KMT2C: variants seen among roughly 807,000 people sequenced by gnomAD.
The protein encoded by KMT2C is histone-lysine N-methyltransferase 2C.
A neutral mutation model predicts 507.9 loss-of-function variants in KMT2C; 88 were observed. The ratio of observed to expected loss-of-function variants is 0.17; its 90% CI spans 0.15 to 0.21. The LOEUF is 0.21. Among genes scored for constraint, KMT2C ranks in the 10% least tolerant of loss-of-function variants. The pLI is 1.00. For synonymous variants in KMT2C, 2,049 were observed against 2,080.8 expected (o/e 0.98, Z 0.42); for missense variants, 4,954 against 5,957.8 (o/e 0.83, Z 5.55).
chr7:152,391,142 C>CAAAAAAAAAAAAAA lies in KMT2C; in HGVS notation c.162-32481_162-32468dup, dbSNP rs1195125465. On this transcript the variant is annotated intron_variant, in intron 1 of 58. Coordinates refer to ENST00000262189, the MANE Select transcript of KMT2C (RefSeq NM_170606.3). Reference sequence around the variant, plus strand: ...CTGGGCGACAGAGTGAGACTGTCTCCAAAAAAAAAAAAAAAAAAAAAAAAA... The same window carrying CAAAAAAAAAAAAAA: ...CTGGGCGACAGAGTGAGACTGTCTCCAAAAAAAAAAAAAAAAAAAAAAAAAAAAAAAAAAAAAAA... Among the ~76,000 whole-genome samples, 24 of 34,762 alleles carry CAAAAAAAAAAAAAA rather than the reference C, an allele frequency of 6.9e-4. 2 individuals are homozygous for CAAAAAAAAAAAAAA. Among genetic ancestry groups the CAAAAAAAAAAAAAA allele is most frequent in the East Asian group, 3.1e-3 (2 of 644 alleles). 22.8% of individuals were successfully genotyped at this position (34,762 alleles called of 152,430 possible).
At chr7:152,224,407 C>T in intron 19 of KMT2C, 28 bp downstream of exon 19, 2 of 1,596,286 alleles carry the variant, frequency 1.3e-6, no homozygotes, top group Non-Finnish European at 1.7e-6. Context: ...ACTTGAAAGA[C>T]TAACAAGGCA....
intron 49 of KMT2C, 110 bp downstream of exon 49, chr7:152,152,595 C>T (rs2091721823): frequency 2.6e-5 from 35 of 1,329,522 alleles, no homozygotes; most frequent in Middle Eastern, 1.9e-4. Flanking sequence ...AAGGACTATA[C>T]GCCAGCATGT....
chr7:152,142,874 A>G (rs1199117548), intron 55 of KMT2C, among the ~76,000 whole-genome samples: 1 of 152,248 alleles, frequency 6.6e-6, no homozygotes, highest in African/African-American at 2.4e-5. Context: ...AAAAGTGTAT[A>G]TAGTTCTAAG....
At chr7:152,293,039 G>A (rs2129187498) in intron 6 of KMT2C, among the ~76,000 whole-genome samples, 1 of 152,096 alleles carries the variant, frequency 6.6e-6, no homozygotes, top group South Asian at 2.1e-4. Flanking sequence ...AGGAAGAGGT[G>A]GAAATAACAC....
intron 6 of KMT2C, among the ~76,000 whole-genome samples, chr7:152,296,997 AAAAGAAAGAAAGAAAGAAAGAAAGAAAG>A (rs61473498): frequency 1.9e-4 from 11 of 59,008 alleles, no homozygotes; most frequent in South Asian, 6.9e-4. Flanking sequence ...GAAAGAAAGA[AAAAGAAAGAAAGAAAGAAAGAAAGAAAG>A]AAAGAAAGAA....
At position 152,354,037 on chromosome 7, in the gene KMT2C, T is replaced by G. The variant is rs1166634136; in HGVS notation, c.250+4550A>C. ...CTTTCACTGTTCTCCTTGCCCTATG[T>G]TCACTATGTTCCCTAAAAGAAGTGG... On this transcript the variant is annotated intron_variant, in intron 2 of 58. Coordinates refer to ENST00000262189, the MANE Select transcript of KMT2C (RefSeq NM_170606.3). Among the ~76,000 whole-genome samples, 3 of 152,318 alleles carry G rather than the reference T, an allele frequency of 2.0e-5. No homozygotes were observed. In the East Asian group the frequency reaches 5.8e-4, roughly 29 times the overall value.
intron 6 of KMT2C, among the ~76,000 whole-genome samples, chr7:152,305,109 G>A (rs547472810): frequency 6.6e-6 from 1 of 152,152 alleles, no homozygotes; most frequent in South Asian, 2.1e-4. Flanking sequence ...GATCTTCAGT[G>A]CTATTAATTA....
At chr7:152,375,418 C>T (rs544520329) in intron 1 of KMT2C, among the ~76,000 whole-genome samples, 2 of 151,904 alleles carry the variant, frequency 1.3e-5, no homozygotes, top group East Asian at 3.9e-4. Flanking sequence ...CGGAGTCTTG[C>T]TCTGTCGCCC....
intron 2 of KMT2C, among the ~76,000 whole-genome samples, chr7:152,336,644 A>C (rs2096938452): frequency 6.6e-6 from 1 of 151,878 alleles, no homozygotes; most frequent in Non-Finnish European, 1.5e-5. Flanking sequence ...AGGTTTGGCG[A>C]CTCCACCACT....
In KMT2C at chr7:152,309,507, C is replaced by CTTTT. The variant is rs60166582; in HGVS notation, c.849+455_849+458dup. On this transcript the variant is annotated intron_variant, in intron 6 of 58. Coordinates refer to ENST00000262189, the MANE Select transcript of KMT2C (RefSeq NM_170606.3). ...CCCGGCTAATTTTTGCATAAAATAACTTTTTTTTTTTTTTTTTTTTTTTTT... is the reference window on the plus strand; with the variant it reads ...CCCGGCTAATTTTTGCATAAAATAACTTTTTTTTTTTTTTTTTTTTTTTTTTTTT... Among the ~76,000 whole-genome samples, 165 of 87,966 alleles carry CTTTT rather than the reference C, an allele frequency of 1.9e-3. 2 individuals carry two copies. The highest frequency in any genetic ancestry group is 3.0e-3 in the Admixed American group (23 of 7,640). The allele number at this position is 87,966 out of a possible 152,430, so 57.7% of individuals were successfully genotyped here.
intron 1 of KMT2C, among the ~76,000 whole-genome samples, chr7:152,379,063 G>A (rs1419741073): frequency 5.3e-5 from 8 of 151,926 alleles, no homozygotes; most frequent in Non-Finnish European, 1.2e-4. Context: ...TCCATACATG[G>A]CCTCCCTCCA....
At chr7:152,218,347 A>G (rs1048352859) in intron 23 of KMT2C, among the ~76,000 whole-genome samples, 11 of 152,042 alleles carry the variant, frequency 7.2e-5, no homozygotes, top group African/African-American at 2.2e-4. Context: ...TATTTTTAGT[A>G]GAGATGAGGT....
chr7:152,239,023 G>A (rs2095335502), intron 14 of KMT2C, 197 bp from the exon 15 acceptor site: 1 of 471,530 alleles, frequency 2.1e-6, no homozygotes, highest in Admixed American at 4.5e-5. Context: ...AATGTTTGCT[G>A]CTACAATTTA....
At chr7:152,190,050 A>G (rs2093744709) in intron 31 of KMT2C, among the ~76,000 whole-genome samples, 2 of 152,184 alleles carry the variant, frequency 1.3e-5, no homozygotes, top group Admixed American at 1.3e-4. Flanking sequence ...TGAAGTGTGC[A>G]TGCGAGCATG....
At chr7:152,352,073 T>C (rs1167377333) in intron 2 of KMT2C, among the ~76,000 whole-genome samples, 2 of 152,180 alleles carry the variant, frequency 1.3e-5, no homozygotes, top group Non-Finnish European at 2.9e-5. Flanking sequence ...GAAATATCGC[T>C]GAATTCTTTT....
At chr7:152,199,884 A>G (rs139343127) in intron 26 of KMT2C, among the ~76,000 whole-genome samples, 46 of 152,302 alleles carry the variant, frequency 3.0e-4, no homozygotes, top group Non-Finnish European at 5.3e-4. Flanking sequence ...GACTACTTAC[A>G]TCATCAATCT....
intron 1 of KMT2C, chr7:152,368,766 G>T: frequency 1.2e-6 from 1 of 831,054 alleles, no homozygotes; most frequent in Non-Finnish European, 1.9e-6. Flanking sequence ...CATCCATAAT[G>T]ATGGATTTAA....
Position 152,148,873 on chromosome 7 carries a change from A to C in KMT2C, c.13054T>G (p.Trp4352Gly), listed in dbSNP as rs777612235. The change falls in exon 52 of 59, where the codon TGG (tryptophan) becomes GGG (glycine). Residue 4352 changes from tryptophan to glycine, a missense_variant. Transcript: ENST00000262189. The surrounding 1 kb of genome is among the most constrained non-coding windows in gnomAD (Gnocchi z 7.1). ...FEDCRPLNKK[W>G]RGMKWKKWSI... ...CACTTCTTCCATTTCATTCCTCTCC[A>C]TTTTTTATTGAGCGGCCTGCAATCT... 7 of 1,614,026 alleles carry C rather than the reference A, an allele frequency of 4.3e-6. No individual in the cohort carries two copies. The highest frequency in any genetic ancestry group is 5.9e-6 in the Non-Finnish European group (7 of 1,180,014).
chr7:152,304,742 TG>T (rs986438100), intron 6 of KMT2C, among the ~76,000 whole-genome samples: 1 of 152,198 alleles, frequency 6.6e-6, no homozygotes, highest in Non-Finnish European at 1.5e-5. Context: ...GATCTCACTA[TG>T]TTGCTCAGGC....
Sources: allele counts gnomAD v4.1 joint callset (sites outside exome capture counted in the v4.1 genomes callset), GRCh38; gene constraint gnomAD v4.1.1; non-coding constraint Gnocchi (gnomAD v3.1); transcripts MANE v1.5; gene names NCBI Gene and HGNC (gene_info 2026-07-23, HGNC 2026-07-21).